MYOM3: variants seen among roughly 807,000 people sequenced by gnomAD.
MYOM3 encodes myomesin-3.
A neutral mutation model predicts 191.7 loss-of-function variants in MYOM3; 155 were observed. The ratio of observed to expected loss-of-function variants is 0.81; its 90% CI spans 0.71 to 0.92. The LOEUF is 0.92. Among genes scored for constraint, MYOM3 ranks in the 40% least tolerant of loss-of-function variants. The pLI, the probability that MYOM3 is intolerant of heterozygous loss-of-function variation, is 0.00. For synonymous variants in MYOM3, 757 were observed against 762.9 expected (o/e 0.99, Z 0.13); for missense variants, 1,889 against 1,890.6 (o/e 1.00, Z 0.02).
rs74061490 is a variant in MYOM3 at position 24,094,897 on chromosome 1, G to A, written c.884C>T (p.Ser295Leu). ...GCTCTCAGCATCTAACACATCTTCC[G>A]AAAACAAGCATGACAGGGAGAAGGG... The part of the protein sequence containing the change: ...KEPFSLSCLF[S>L]EDVLDAESIQ... The change falls in exon 9 of 37, where the codon TCG becomes TTG. Residue 295 changes from serine (S) to leucine (L), a missense_variant. Physicochemically the swap from Ser to Leu is moderately radical, Grantham distance 145 (BLOSUM62 -2). Transcript: ENST00000374434. 4.3e-3 allele frequency: 7,018 copies of A among 1,614,034 alleles called. 220 individuals carry two copies. The African/African-American group carries it at 0.074, about 17-fold the overall frequency.
Position 24,082,655 on chromosome 1 carries a change from C to A in MYOM3, c.2030G>T (p.Ser677Ile). 6.2e-7 allele frequency: 1 copy of A among 1,612,790 alleles called. No individual in the cohort carries two copies. The highest frequency in any genetic ancestry group is 1.1e-5 in the South Asian group (1 of 90,728). The change falls in exon 17 of 37, where the codon AGC (serine) becomes ATC (isoleucine). Residue 677 changes from serine (S) to isoleucine (I), a missense_variant. By Grantham distance (142) the Ser-to-Ile change is moderately radical. Transcript: ENST00000374434. ...KEYEFCVRSV[S>I]EAGVGESSAA... The stretch of plus-strand genomic sequence containing the variant: ...TGAGCTCTCGCCTACCCCAGCCTCG[C>A]TGACTGACCTGACACAAAACTCGTA...
At chr1:24,067,325 C>CTTCTTTCTTTCTTTCTTTCT (rs796793986) in intron 27 of MYOM3, among the ~76,000 whole-genome samples, 2 of 58,914 alleles carry the variant, frequency 3.4e-5, no homozygotes, top group African/African-American at 6.2e-5. Context: ...TCTTTCTTTC[C>CTTCTTTCTTTCTTTCTTTCT]TTCTTTCTTT....
rs556619797 is a variant in MYOM3, at chr1:24,110,901, G to A, written c.-19+1130C>T. 7.2e-5 allele frequency among the ~76,000 whole-genome samples: 11 copies of A among 152,132 alleles called. 1 individual carries two copies. The South Asian group carries it at 1.2e-3, about 17-fold the overall frequency. On this transcript the variant is annotated intron_variant, in intron 1 of 36. Transcript: ENST00000374434. ...CTCTGCCCCAGCTTTCCTGGGACACGATGGCCCTGGCTCCAGTGGCTGAGA... is the reference window on the plus strand; with the variant it reads ...CTCTGCCCCAGCTTTCCTGGGACACAATGGCCCTGGCTCCAGTGGCTGAGA...
intron 19 of MYOM3, among the ~76,000 whole-genome samples, chr1:24,080,618 C>A (rs531894302): frequency 3.9e-5 from 6 of 152,144 alleles, no homozygotes; most frequent in Non-Finnish European, 4.4e-5. Flanking sequence ...CCTGTCCCCT[C>A]GTCTGTAAAA....
chr1:24,067,886 T>C, intron 27 of MYOM3, 84 bp downstream of exon 27: 1 of 1,372,630 alleles, frequency 7.3e-7, no homozygotes. Flanking sequence ...CCAGCAGGGC[T>C]GGGGTTCCCA....
In MYOM3 at chr1:24,061,304, C is replaced by T; in HGVS notation, c.3940G>A (p.Glu1314Lys). 1 of 1,614,044 alleles carries T rather than the reference C, an allele frequency of 6.2e-7. No homozygotes were observed. The highest frequency in any genetic ancestry group is 8.5e-7 in the Non-Finnish European group (1 of 1,179,974). The change falls in exon 34 of 37, where the codon GAG becomes AAG. Residue 1314 changes from glutamate to lysine, a missense_variant. Physicochemically the swap from Glu to Lys is moderately conservative, Grantham distance 56. Coordinates refer to ENST00000374434, the MANE Select transcript of MYOM3 (RefSeq NM_152372.4). ...LSTDLSGQAFEDAMAEHQRLK... is the reference protein window; with the variant it reads ...LSTDLSGQAFKDAMAEHQRLK... The stretch of plus-strand genomic sequence containing the variant: ...CTCTGGTGTTCAGCCATTGCATCCT[C>T]AAAAGCTATAAGAAGGACAGAGGAG...
intron 35 of MYOM3, among the ~76,000 whole-genome samples, chr1:24,060,526 C>T (rs1056637649): frequency 6.6e-6 from 1 of 152,180 alleles, no homozygotes; most frequent in Admixed American, 6.5e-5. Context: ...TCCTCATCTG[C>T]TGGGCCAGTG....
rs1443629113 is a variant in MYOM3 at position 24,089,632 on chromosome 1, A to G, written c.1520T>C (p.Val507Ala). 6.3e-7 allele frequency: 1 copy of G among 1,593,528 alleles called. No homozygotes were observed. The highest frequency in any genetic ancestry group is 8.5e-7 in the Non-Finnish European group (1 of 1,170,358). The change falls in exon 14 of 37, where the codon GTC (valine) becomes GCC (alanine). Residue 507 changes from valine (V) to alanine (A), a missense_variant. Physicochemically the swap from Val to Ala is moderately conservative, Grantham distance 64. Coordinates refer to ENST00000374434, the MANE Select transcript of MYOM3 (RefSeq NM_152372.4). ...GGCCTCTCGGATCTCGCTGGCATGG[A>G]CATTGGTTGGCGGTGAGGGGATGGT... ...TVTIPSPPTN[V>A]HASEIREAYV...
chr1:24,084,150 T>A, intron 16 of MYOM3: 1 of 305,892 alleles, frequency 3.3e-6, no homozygotes, highest in South Asian at 3.5e-5. Context: ...GGAGATTGGA[T>A]CATGGGGGCG....
At position 24,063,175 on chromosome 1, in the gene MYOM3, T is replaced by C; in HGVS notation, c.3721A>G (p.Lys1241Glu). Reference sequence around the variant, plus strand: ...TACTCCACGTTGTAGTACTTGACCTTGCTGAAGATCCGGATCCCTTCCTCG... The same window carrying C: ...TACTCCACGTTGTAGTACTTGACCTCGCTGAAGATCCGGATCCCTTCCTCG... Reference protein sequence around the residue: ...GTEEGIRIFSKVKYYNVEYMK... With the variant: ...GTEEGIRIFSEVKYYNVEYMK... Residue 1241 changes from lysine to glutamate, a missense_variant, in exon 32 of 37, where the codon AAG becomes GAG. Coordinates refer to ENST00000374434, the MANE Select transcript of MYOM3 (RefSeq NM_152372.4). This position sits in a 1 kb window ranked among gnomAD's most constrained non-coding sequence, Gnocchi z 4.5. The C allele has an allele frequency of 1.2e-6, 2 of 1,614,034 alleles. No individual in the cohort carries two copies. Among genetic ancestry groups the C allele is most frequent in the Non-Finnish European group, 8.5e-7 (1 of 1,179,944 alleles).
At position 24,112,059 on chromosome 1, in the gene MYOM3, T is replaced by G. The variant is rs1328543874; in HGVS notation, c.-47A>C. ...AGCAGTGTGCCCACTTAGGAGTCTC[T>G]GGGGAGAAGATTCCTGAGGCCGAGA... On this transcript the variant is annotated 5_prime_UTR_variant, in exon 1 of 37. Coordinates refer to ENST00000374434, the MANE Select transcript of MYOM3 (RefSeq NM_152372.4). 1.3e-5 allele frequency: 2 copies of G among 152,214 alleles called. No individual in the cohort carries two copies. The highest frequency in any genetic ancestry group is 2.9e-5 in the Non-Finnish European group (2 of 68,050). The allele number at this position is 152,214 out of a possible 1,614,324, so 9.4% of individuals were successfully genotyped here. A position where few individuals can be genotyped will look rare whatever the true frequency, so the allele number is the denominator to read the frequency against.
Position 24,081,394 on chromosome 1 carries a change from A to G in MYOM3, c.2343T>C (p.Gly781=), listed in dbSNP as rs761098674. 2 of 1,613,964 alleles carry G rather than the reference A, an allele frequency of 1.2e-6. No individual in the cohort carries two copies. The highest frequency in any genetic ancestry group is 1.7e-6 in the Non-Finnish European group (2 of 1,180,012). The part of the protein sequence containing the change: ...EFRARAANWA[G]VGELSAPSSL... ...TGCTGGGTGCCGACAGCTCGCCAAC[A>G]CCTGCCCAGTTGGCAGCCCGGGCAC... is the stretch of plus-strand genomic sequence containing the variant. The change falls in exon 19 of 37, where the codon GGT becomes GGC. Residue 781 remains glycine (G), a synonymous_variant. Coordinates refer to ENST00000374434, the MANE Select transcript of MYOM3 (RefSeq NM_152372.4).
rs370058913 is a variant in MYOM3 at position 24,064,080 on chromosome 1, G to A, written c.3614C>T (p.Thr1205Met). The change falls in exon 30 of 37, where the codon ACG becomes ATG. Residue 1205 changes from threonine (T) to methionine (M), a missense_variant. By Grantham distance (81) the Thr-to-Met change is moderately conservative. Coordinates refer to ENST00000374434, the MANE Select transcript of MYOM3 (RefSeq NM_152372.4). ...CCATCGCCAGCTCCTACCGTCACCC[G>A]TGAGGTCCAATATGGTGTCGTCCTC... ...RGEDDTILDL[T>M]GDALDAIFTE... is the part of the protein sequence containing the mutation. The A allele has an allele frequency of 4.3e-5, 70 of 1,613,442 alleles. No individual in the cohort carries two copies. Among genetic ancestry groups the A allele is most frequent in the Non-Finnish European group, 5.4e-5 (64 of 1,179,576 alleles).
intron 26 of MYOM3, 89 bp from the exon 27 acceptor site, chr1:24,068,118 G>A: frequency 6.4e-7 from 1 of 1,566,322 alleles, no homozygotes; most frequent in Non-Finnish European, 8.8e-7. Context: ...CGAGGGGGCT[G>A]TGCTCAGCAG....
intron 25 of MYOM3, among the ~76,000 whole-genome samples, chr1:24,068,654 C>A (rs973722358): frequency 6.6e-6 from 1 of 151,966 alleles, no homozygotes. Context: ...AGTCCCGAAC[C>A]CCTGCTGTGC....
chr1:24,061,141 C>T, intron 34 of MYOM3, 59 bp from the exon 35 acceptor site: 1 of 1,611,578 alleles, frequency 6.2e-7, no homozygotes, highest in South Asian at 1.1e-5. Flanking sequence ...ACAGTCCAGC[C>T]CAGGTGGAGG....
At chr1:24,097,729 T>A (rs962281702) in intron 7 of MYOM3, among the ~76,000 whole-genome samples, 194 bp downstream of exon 7, 4 of 152,330 alleles carry the variant, frequency 2.6e-5, no homozygotes, top group African/African-American at 4.8e-5. Context: ...CCCAGGCTGA[T>A]GGAGGAGACT....
In MYOM3 at chr1:24,086,688, T is replaced by G; in HGVS notation, c.1754A>C (p.Asp585Ala). ...GATGGGTTCGCTGGGCTCCGAGGGA[T>G]CGCTCAGGCCATACTGGTTCATTGC... The part of the protein sequence containing the change: ...VRAMNQYGLS[D>A]PSEPSEPIAL... Residue 585 changes from aspartate to alanine, a missense_variant, in exon 15 of 37, where the codon GAT (aspartate) becomes GCT (alanine). By Grantham distance (126) the Asp-to-Ala change is moderately radical (BLOSUM62 -2). Transcript: ENST00000374434. The G allele has an allele frequency of 6.2e-7, 1 of 1,614,072 alleles. No individual in the cohort carries two copies. The highest frequency in any genetic ancestry group is 2.2e-5 in the East Asian group (1 of 44,862).
chr1:24,065,869 C>G (rs749407874), intron 29 of MYOM3, 22 bp downstream of exon 29: 1 of 1,545,478 alleles, frequency 6.5e-7, no homozygotes. Flanking sequence ...AAAGTGAGCC[C>G]TGAAGCTGGA....
Sources: gnomAD v4.1 joint callset for allele counts (sites outside exome capture counted in the v4.1 genomes callset) on GRCh38, gnomAD v4.1.1 for gene constraint, Gnocchi (gnomAD v3.1) non-coding constraint, MANE v1.5 for transcripts, NCBI Gene and HGNC (gene_info 2026-07-23, HGNC 2026-07-21) for gene names.